PHTF2: variants seen among roughly 807,000 people sequenced by gnomAD.
PHTF2 encodes protein PHTF2.
PHTF2 carries 60 observed loss-of-function variants against 101.2 expected under a neutral mutation model. That is an observed-to-expected ratio of 0.59 (90% confidence interval 0.48 to 0.73). PHTF2 has a LOEUF of 0.73. Among genes scored for constraint, PHTF2 ranks in the 30% least tolerant of loss-of-function variants. PHTF2 has a pLI of 0.00. For synonymous variants in PHTF2, 311 were observed against 307.3 expected, an observed-to-expected ratio of 1.01 and a Z score of -0.13; for missense variants, 747 against 908.7, an observed-to-expected ratio of 0.82 and a Z score of 2.29.
intron 5 of PHTF2, chr7:77,895,062 A>G (rs1800762793): frequency 2.4e-6 from 1 of 417,134 alleles, no homozygotes; most frequent in Non-Finnish European, 4.7e-6. Flanking sequence ...TGACAAATGT[A>G]CACAGGCAGC....
intron 3 of PHTF2, among the ~76,000 whole-genome samples, chr7:77,884,305 T>G (rs1428345149): frequency 6.6e-6 from 1 of 152,184 alleles, no homozygotes; most frequent in Non-Finnish European, 1.5e-5. Context: ...AGTGATGAAG[T>G]CTGAGATTTC....
intron 11 of PHTF2, among the ~76,000 whole-genome samples, chr7:77,928,192 A>G (rs1804236769): frequency 6.6e-6 from 1 of 152,196 alleles, no homozygotes; most frequent in Non-Finnish European, 1.5e-5. Flanking sequence ...CAGCCAAAAA[A>G]AAAAAAATTG....
At chr7:77,900,658 G>A (rs908434419) in intron 5 of PHTF2, 53 bp from the exon 5 acceptor site, 2 of 887,388 alleles carry the variant, frequency 2.3e-6, no homozygotes, top group Admixed American at 1.7e-5. Flanking sequence ...ATTTTCTCCT[G>A]TTCTAGATTT....
chr7:77,927,195 T>TACACACACAC (rs1434065287), intron 11 of PHTF2, among the ~76,000 whole-genome samples: 175 of 78,416 alleles, frequency 2.2e-3, no homozygotes, highest in African/African-American at 6.2e-3. Context: ...TATATATATA[T>TACACACACAC]ACATACACAC....
At chr7:77,935,534 CTT>C (rs532603663) in intron 12 of PHTF2, among the ~76,000 whole-genome samples, 2 of 152,170 alleles carry the variant, frequency 1.3e-5, no homozygotes, top group East Asian at 1.9e-4. Flanking sequence ...GTAATTAACT[CTT>C]TTAAAATTCA....
At chr7:77,802,937 G>C (rs535135499) in intron 1 of PHTF2, among the ~76,000 whole-genome samples, 1 of 152,124 alleles carries the variant, frequency 6.6e-6, no homozygotes, top group Admixed American at 6.5e-5. Flanking sequence ...TTACAAATCT[G>C]AAACATCACT....
At chr7:77,920,430 T>C in exon 10 of PHTF2, 1 of 1,613,530 alleles carries the variant, frequency 6.2e-7, no homozygotes, top group East Asian at 2.2e-5. Context: ...AGAGACAGCC[T>C]GGAACACAGG....
Position 77,919,318 on chromosome 7 carries a change from T to C in PHTF2, c.777-961T>C, listed in dbSNP as rs141966123. Among the ~76,000 whole-genome samples the C allele has an allele frequency of 1.6e-3, 238 of 152,310 alleles. 3 individuals are homozygous for C. The East Asian group carries it at 0.038, about 24-fold the overall frequency. The stretch of plus-strand genomic sequence containing the variant: ...TATGTGTGCATTTTTAAAAAACTTT[T>C]GGTTTTTGACCTAACTGAAGGCAAT... On this transcript the variant is annotated intron_variant, in intron 9 of 19. Coordinates refer to ENST00000416283, the Ensembl canonical transcript of PHTF2.
intron 1 of PHTF2, among the ~76,000 whole-genome samples, chr7:77,818,627 T>C (rs1343590766): frequency 6.6e-6 from 1 of 152,242 alleles, no homozygotes; most frequent in Admixed American, 6.5e-5. Context: ...TGTCTGTTTT[T>C]ATGCCAGTAC....
intron 14 of PHTF2, 37 bp downstream of exon 13, chr7:77,940,339 A>G (rs922584795): frequency 4.0e-6 from 6 of 1,509,806 alleles, no homozygotes; most frequent in South Asian, 3.8e-5. Context: ...AGAATATTTT[A>G]TCGTTTTCAT....
intron 12 of PHTF2, among the ~76,000 whole-genome samples, chr7:77,929,673 G>A (rs1246584802): frequency 6.6e-6 from 1 of 152,076 alleles, no homozygotes; most frequent in African/African-American, 2.4e-5. Flanking sequence ...TACATCTCAT[G>A]AATATCAAAT....
At chr7:77,811,387 T>G (rs1793429259) in intron 1 of PHTF2, among the ~76,000 whole-genome samples, 1 of 152,270 alleles carries the variant, frequency 6.6e-6, no homozygotes, top group Non-Finnish European at 1.5e-5. Flanking sequence ...CTGTAATTAA[T>G]ACATACTGTG....
At chr7:77,923,130 T>C (rs1396438620) in intron 11 of PHTF2, 2 of 993,034 alleles carry the variant, frequency 2.0e-6, no homozygotes, top group African/African-American at 1.7e-5. Context: ...AGCAAAGTTA[T>C]TTTAAGTAAC....
intron 3 of PHTF2, among the ~76,000 whole-genome samples, chr7:77,867,947 C>G (rs1040274581): frequency 3.9e-5 from 6 of 152,124 alleles, no homozygotes; most frequent in Admixed American, 1.3e-4. Flanking sequence ...AAGTTGTATT[C>G]TAGGGGGCAA....
intron 1 of PHTF2, among the ~76,000 whole-genome samples, chr7:77,839,405 GAAA>G (rs1795702841): frequency 6.6e-6 from 1 of 152,286 alleles, no homozygotes; most frequent in East Asian, 1.9e-4. Flanking sequence ...GACAAACACA[GAAA>G]AGATGCTTAT....
chr7:77,885,143 G>T (rs559456743), intron 3 of PHTF2, among the ~76,000 whole-genome samples: 9 of 152,112 alleles, frequency 5.9e-5, no homozygotes, highest in Non-Finnish European at 1.0e-4. Context: ...ACCTAGGCTG[G>T]AGTGCAATGG....
At chr7:77,820,508 T>C (rs896675385) in intron 1 of PHTF2, among the ~76,000 whole-genome samples, 2 of 152,066 alleles carry the variant, frequency 1.3e-5, no homozygotes. Context: ...TGCACCACCA[T>C]TCCCAGCTAA....
At chr7:77,919,361 C>T (rs1803234093) in intron 9 of PHTF2, among the ~76,000 whole-genome samples, 1 of 151,986 alleles carries the variant, frequency 6.6e-6, no homozygotes. Context: ...TTTTATTTTT[C>T]CTTACTTGCA....
At chr7:77,885,179 G>A (rs1016742767) in intron 3 of PHTF2, among the ~76,000 whole-genome samples, 17 of 151,912 alleles carry the variant, frequency 1.1e-4, no homozygotes, top group Non-Finnish European at 2.1e-4. Flanking sequence ...CCGTAGCCTC[G>A]AACTCCTGGG....
Sources: gnomAD v4.1 joint callset for allele counts (sites outside exome capture counted in the v4.1 genomes callset) on GRCh38, gnomAD v4.1.1 for gene constraint, MANE v1.5 for transcripts, NCBI Gene and HGNC (gene_info 2026-07-23, HGNC 2026-07-21) for gene names.